MMADHC: variants seen among roughly 807,000 people sequenced by gnomAD.
The protein encoded by MMADHC is cobalamin trafficking protein CblD.
In MMADHC, 23 loss-of-function variants were observed where a neutral mutation model predicts 36.3. The observed-to-expected ratio is 0.63, with a 90% CI of 0.46 to 0.90. The LOEUF is 0.90. Ranked by LOEUF, MMADHC falls within the 40% of genes least tolerant of loss-of-function variation. MMADHC has a pLI of 0.00. For synonymous variants in MMADHC, 97 were observed against 116.1 expected (o/e 0.84, Z 1.06); for missense variants, 330 against 348.0 (o/e 0.95, Z 0.41).
chr2:149,587,155 A>C lies in MMADHC; in HGVS notation c.-52-6T>G, dbSNP rs1169325447. ...TTCCTTTGGTAAAGTTATTTCTGGG[A>C]AAGAACACAACAAAACAGACGAGTG... On this transcript the variant is annotated splice_region_variant and splice_polypyrimidine_tract_variant and intron_variant, in intron 1 of 7. Coordinates refer to ENST00000303319, the MANE Select transcript of MMADHC (RefSeq NM_015702.3). The C allele has an allele frequency of 1.3e-6, 2 of 1,545,908 alleles. No individual in the cohort carries two copies. Among genetic ancestry groups the C allele is most frequent in the Non-Finnish European group, 1.8e-6 (2 of 1,118,366 alleles).
At chr2:149,577,751 G>T (rs1682737589) in intron 4 of MMADHC, among the ~76,000 whole-genome samples, 1 of 152,200 alleles carries the variant, frequency 6.6e-6, no homozygotes, top group African/African-American at 2.4e-5. Context: ...CAGGCACACT[G>T]GCTCACGCCT....
At chr2:149,574,246 G>C (rs1035248342) in intron 6 of MMADHC, among the ~76,000 whole-genome samples, 1 of 151,988 alleles carries the variant, frequency 6.6e-6, no homozygotes, top group African/African-American at 2.4e-5. Context: ...TGATAGTGAT[G>C]AGTATATATT....
Position 149,577,757 on chromosome 2 carries a change from C to T in MMADHC, c.373-1215G>A, listed in dbSNP as rs149726624. Among the ~76,000 whole-genome samples, 18 of 152,314 alleles carry T rather than the reference C, an allele frequency of 1.2e-4. 1 individual carries two copies. The highest frequency in any genetic ancestry group is 3.4e-4 in the African/African-American group (14 of 41,572). On this transcript the variant is annotated intron_variant, in intron 4 of 7. Coordinates refer to ENST00000303319, the MANE Select transcript of MMADHC (RefSeq NM_015702.3). Reference sequence around the variant, plus strand: ...AGGAGTGGTCAGGCACACTGGCTCACGCCTGTAATCCCAGAACTTTGGGAG... The same window carrying T: ...AGGAGTGGTCAGGCACACTGGCTCATGCCTGTAATCCCAGAACTTTGGGAG...
rs968529265 is a variant in MMADHC, at chr2:149,569,845, T to C, written c.*129A>G. On this transcript the variant is annotated 3_prime_UTR_variant, in exon 8 of 8. Transcript: ENST00000303319. ...TAAAATCCCAAATCACTTGCCAATG[T>C]TGTAAATTCATAAATGCTGAAATAA... is the stretch of plus-strand genomic sequence containing the variant. The C allele has an allele frequency of 2.3e-6, 2 of 864,418 alleles. No homozygotes were observed. The highest frequency in any genetic ancestry group is 1.7e-5 in the African/African-American group (1 of 58,460). The allele number at this position is 864,418 out of a possible 1,614,324, so 53.5% of individuals were successfully genotyped here. A position where few individuals can be genotyped will look rare whatever the true frequency, so the allele number is the denominator to read the frequency against.
At chr2:149,576,354 A>G in intron 5 of MMADHC, 83 bp downstream of exon 5, 1 of 926,906 alleles carries the variant, frequency 1.1e-6, no homozygotes, top group Non-Finnish European at 1.8e-6. Flanking sequence ...TAAGGTATAC[A>G]GCGTTCCAAT....
rs1344191765 is a variant in MMADHC at position 149,570,069 on chromosome 2, G to A, written c.796C>T (p.Arg266Cys). 15 of 1,613,418 alleles carry A rather than the reference G, an allele frequency of 9.3e-6. No individual in the cohort carries two copies. The highest frequency in any genetic ancestry group is 4.0e-5 in the African/African-American group (3 of 74,870). ...ACATGGGTACCCCAGAGACTATGAC[G>A]AATCACTTTACAGCATCCAAGGTCA... ...VDDLGCCKVI[R>C]HSLWGTHVVV... The change falls in exon 8 of 8, where the codon CGT (arginine) becomes TGT (cysteine). Residue 266 changes from arginine (R) to cysteine (C), a missense_variant. Coordinates refer to ENST00000303319, the MANE Select transcript of MMADHC (RefSeq NM_015702.3).
intron 6 of MMADHC, among the ~76,000 whole-genome samples, chr2:149,571,928 T>C (rs1366106706): frequency 1.3e-5 from 2 of 152,158 alleles, no homozygotes; most frequent in Middle Eastern, 3.2e-3. Context: ...TCTACTCACA[T>C]AGTCATGAAA....
chr2:149,572,555 T>C (rs1682659585), intron 6 of MMADHC, among the ~76,000 whole-genome samples: 1 of 152,100 alleles, frequency 6.6e-6, no homozygotes, highest in Non-Finnish European at 1.5e-5. Flanking sequence ...CTGTGGACAT[T>C]TGCCTGTCAC....
In MMADHC at chr2:149,579,667, AG is replaced by A; in HGVS notation, c.155-20del. 6.3e-7 allele frequency: 1 copy of A among 1,599,918 alleles called. No individual in the cohort carries two copies. Among genetic ancestry groups the A allele is most frequent in the Non-Finnish European group, 8.6e-7 (1 of 1,168,106 alleles). On this transcript the variant is annotated intron_variant, in intron 3 of 7. Transcript: ENST00000303319. ...CGAGAGCCTGAAGAGAAACAACAAA[AG>A]GAACAGTTTCTCCTTAATAGTCAAG...
intron 6 of MMADHC, among the ~76,000 whole-genome samples, 156 bp from the exon 7 acceptor site, chr2:149,571,327 G>C (rs1244045981): frequency 6.6e-6 from 1 of 152,208 alleles, no homozygotes; most frequent in African/African-American, 2.4e-5. Context: ...AAAGGCGTAA[G>C]ATTCTTTTCA....
intron 2 of MMADHC, chr2:149,586,775 C>A: frequency 2.8e-6 from 1 of 354,960 alleles, no homozygotes; most frequent in Non-Finnish European, 5.1e-6. Context: ...GTTTAGCTAA[C>A]CCAAAAGCTA....
chr2:149,579,629 A>G lies in MMADHC; in HGVS notation c.174T>C (p.Pro58=). The part of the protein sequence containing the change: ...PPDICSRTVW[P]DETMGPFGPQ... ...GTCCAAAGGGTCCCATAGTTTCATCAGGCCACACTGTTCGAGAGCCTGAAG... is the reference window on the plus strand; with the variant it reads ...GTCCAAAGGGTCCCATAGTTTCATCGGGCCACACTGTTCGAGAGCCTGAAG... The change falls in exon 4 of 8, where the codon CCT becomes CCC. Residue 58 remains proline, a synonymous_variant. Transcript: ENST00000303319. 1 of 1,613,934 alleles carries G rather than the reference A, an allele frequency of 6.2e-7. No individual in the cohort carries two copies. Among genetic ancestry groups the G allele is most frequent in the Non-Finnish European group, 8.5e-7 (1 of 1,179,914 alleles).
At position 149,570,218 on chromosome 2, in the gene MMADHC, T is replaced by C. The variant is rs776421387; in HGVS notation, c.697-50A>G. On this transcript the variant is annotated intron_variant, in intron 7 of 7. Transcript: ENST00000303319. ...CTCATTAGTAAGAAAGACATTTTAG[T>C]AATAATTTTTAGGTAAACATGAACA... The C allele has an allele frequency of 3.4e-6, 5 of 1,460,540 alleles. No homozygotes were observed. The East Asian group carries it at 9.6e-5, about 28-fold the overall frequency. The allele number at this position is 1,460,540 out of a possible 1,614,324, so 90.5% of individuals were successfully genotyped here.
rs141218539 is a variant in MMADHC, at chr2:149,570,096, C to A, written c.769G>T (p.Asp257Tyr). The stretch of plus-strand genomic sequence containing the variant: ...ATCACTTTACAGCATCCAAGGTCAT[C>A]AACAGAGAATCCTAAATGTCGGTAG... ...ERYRHLGFSV[D>Y]DLGCCKVIRH... Residue 257 changes from aspartate to tyrosine, a missense_variant, in exon 8 of 8, where the codon GAT (aspartate) becomes TAT (tyrosine). By Grantham distance (160) the Asp-to-Tyr change is radical (BLOSUM62 -3). Coordinates refer to ENST00000303319, the MANE Select transcript of MMADHC (RefSeq NM_015702.3). 1 of 1,613,780 alleles carries A rather than the reference C, an allele frequency of 6.2e-7. No homozygotes were observed.
chr2:149,573,330 A>T lies in MMADHC; in HGVS notation c.610-2159T>A, dbSNP rs911880749. Among the ~76,000 whole-genome samples, 9 of 152,202 alleles carry T rather than the reference A, an allele frequency of 5.9e-5. No homozygotes were observed. The East Asian group carries it at 1.7e-3, about 29-fold the overall frequency. ...GGGCCTAGTTTACCTGAGCCAGCAT[A>T]AGAAAGCCACCTGTGTTTTAACCCT... On this transcript the variant is annotated intron_variant, in intron 6 of 7. Coordinates refer to ENST00000303319, the MANE Select transcript of MMADHC (RefSeq NM_015702.3).
Position 149,571,143 on chromosome 2 carries a change from T to G in MMADHC, c.638A>C (p.Tyr213Ser). Residue 213 changes from tyrosine to serine, a missense_variant, in exon 7 of 8, where the codon TAT (tyrosine) becomes TCT (serine). Tyr to Ser is a moderately radical substitution (Grantham distance 144). Transcript: ENST00000303319. ...CCAATAACCCTCAGCTCGAAGAGCATAGCAAATTTCCTTAGCACCATTGAT... is the reference window on the plus strand; with the variant it reads ...CCAATAACCCTCAGCTCGAAGAGCAGAGCAAATTTCCTTAGCACCATTGAT... ...KFINGAKEIC[Y>S]ALRAEGYWAD... 6.2e-7 allele frequency: 1 copy of G among 1,612,036 alleles called. No individual in the cohort carries two copies. Among genetic ancestry groups the G allele is most frequent in the Non-Finnish European group, 8.5e-7 (1 of 1,178,646 alleles).
intron 4 of MMADHC, among the ~76,000 whole-genome samples, chr2:149,577,642 A>G (rs1476586419): frequency 6.6e-6 from 1 of 152,032 alleles, no homozygotes; most frequent in Non-Finnish European, 1.5e-5. Flanking sequence ...AGATTTGCAG[A>G]GCAAAACTCT....
intron 1 of MMADHC, 51 bp from the exon 2 acceptor site, chr2:149,587,200 C>G (rs1573882834): frequency 8.8e-7 from 1 of 1,136,864 alleles, no homozygotes; most frequent in Non-Finnish European, 1.3e-6. Flanking sequence ...ACTCTAACAA[C>G]AGACAACTGA....
chr2:149,580,057 C>CG (rs890640427), intron 3 of MMADHC, among the ~76,000 whole-genome samples: 6 of 152,118 alleles, frequency 3.9e-5, no homozygotes, highest in African/African-American at 1.4e-4. Context: ...GTTTTTGAGA[C>CG]GGGTCTCTTG....
Sources: gnomAD v4.1 joint callset for allele counts (sites outside exome capture counted in the v4.1 genomes callset) on GRCh38, gnomAD v4.1.1 for gene constraint, MANE v1.5 for transcripts, NCBI Gene and HGNC (gene_info 2026-07-23, HGNC 2026-07-21) for gene names.